Variants in FBN3 observed in about 807,000 individuals in gnomAD.
FBN3 encodes the protein fibrillin-3.
FBN3 carries 234 observed loss-of-function variants against 330.1 expected under a neutral mutation model. The observed-to-expected ratio is 0.71, with a 90% CI of 0.64 to 0.79. The LOEUF is 0.79. Ranked by LOEUF, FBN3 falls within the 30% of genes least tolerant of loss-of-function variation. FBN3 has a pLI of 0.00. For synonymous variants in FBN3, 1,458 were observed against 1,517.3 expected, an observed-to-expected ratio of 0.96 and a Z score of 0.91; for missense variants, 3,606 against 3,886.9, an observed-to-expected ratio of 0.93 and a Z score of 1.92.
At position 8,085,377 on chromosome 19, in the gene FBN3, G is replaced by T; in HGVS notation, c.7073C>A (p.Thr2358Asn). 1 of 1,579,344 alleles carries T rather than the reference G, an allele frequency of 6.3e-7. No individual in the cohort carries two copies. Among genetic ancestry groups the T allele is most frequent in the East Asian group, 2.3e-5 (1 of 43,488 alleles). Reference protein sequence around the residue: ...RKLCPHGSGYTAEGRDVDECR... With the variant: ...RKLCPHGSGYNAEGRDVDECR... ...TGGGCACCCACCTCGGCCCTCAGCA[G>T]TGTAGCCTGAGCCATGGGGGCACAG... is the stretch of plus-strand genomic sequence containing the variant. Residue 2358 changes from threonine (T) to asparagine (N), a missense_variant, in exon 56 of 64, where the codon ACT (threonine) becomes AAT (asparagine). Physicochemically the swap from Thr to Asn is moderately conservative, Grantham distance 65. Coordinates refer to ENST00000600128, the MANE Select transcript of FBN3 (RefSeq NM_032447.5).
At chr19:8,100,483 A>G (rs2082304215) in intron 41 of FBN3, among the ~76,000 whole-genome samples, 1 of 151,908 alleles carries the variant, frequency 6.6e-6, no homozygotes, top group Non-Finnish European at 1.5e-5. Flanking sequence ...GATTACAGGC[A>G]TGCACCACCA....
At position 8,103,600 on chromosome 19, in the gene FBN3, G is replaced by T; in HGVS notation, c.4901C>A (p.Ala1634Glu). The T allele has an allele frequency of 6.2e-7, 1 of 1,613,716 alleles. No homozygotes were observed. Among genetic ancestry groups the T allele is most frequent in the Non-Finnish European group, 8.5e-7 (1 of 1,179,744 alleles). ...GCCACCATTGACTTGGAGGTACTCT[G>T]CAGGGCAGACACAGGTGTAGTTCCC... ...TLGNYTCVCP[A>E]EYLQVNGGNN... Residue 1634 changes from alanine to glutamate, a missense_variant, in exon 39 of 64, where the codon GCA (alanine) becomes GAA (glutamate). Ala to Glu is a moderately radical substitution (Grantham distance 107, BLOSUM62 -1). Coordinates refer to ENST00000600128, the MANE Select transcript of FBN3 (RefSeq NM_032447.5).
chr19:8,131,850 C>T lies in FBN3; in HGVS notation c.1715-21G>A, dbSNP rs202201754. Reference sequence around the variant, plus strand: ...AATGTCTGCAGAAGCAGTGGCGGCACGGGGATGGGTTCCAGCGTGCTCCCT... The same window carrying T: ...AATGTCTGCAGAAGCAGTGGCGGCATGGGGATGGGTTCCAGCGTGCTCCCT... On this transcript the variant is annotated intron_variant, in intron 14 of 63. Transcript: ENST00000600128. The surrounding 1 kb of genome is among the most constrained non-coding windows in gnomAD (Gnocchi z 4.5). The T allele has an allele frequency of 2.9e-5, 46 of 1,559,556 alleles. No homozygotes were observed. Among genetic ancestry groups the T allele is most frequent in the Middle Eastern group, 1.7e-4 (1 of 5,720 alleles).
At position 8,109,780 on chromosome 19, in the gene FBN3, C is replaced by T; in HGVS notation, c.4334-27G>A. ...TGTAGGGAGGAAGCGCGGTCCTCAG[C>T]AGGGAGCCCCTTCCTCGGCCCCCCT... On this transcript the variant is annotated intron_variant, in intron 34 of 63. Coordinates refer to ENST00000600128, the MANE Select transcript of FBN3 (RefSeq NM_032447.5). The surrounding 1 kb of genome is among the most constrained non-coding windows in gnomAD (Gnocchi z 5.2). 1 of 1,436,780 alleles carries T rather than the reference C, an allele frequency of 7.0e-7. No homozygotes were observed. Among genetic ancestry groups the T allele is most frequent in the Non-Finnish European group, 9.2e-7 (1 of 1,091,964 alleles). The allele number at this position is 1,436,780 out of a possible 1,614,324, so 89.0% of individuals were successfully genotyped here. A position where few individuals can be genotyped will look rare whatever the true frequency, so the allele number is the denominator to read the frequency against.
At chr19:8,089,412 T>G in intron 51 of FBN3, 133 bp downstream of exon 51, 1 of 944,466 alleles carries the variant, frequency 1.1e-6, no homozygotes, top group Non-Finnish European at 1.6e-6. Context: ...GGAGAAAAAG[T>G]GAATGGGGGA....
intron 63 of FBN3, among the ~76,000 whole-genome samples, chr19:8,069,025 G>A (rs1331522073): frequency 6.6e-6 from 1 of 152,178 alleles, no homozygotes; most frequent in Non-Finnish European, 1.5e-5. Context: ...AGGTCACTCA[G>A]AAATGTCTTG....
intron 21 of FBN3, 52 bp downstream of exon 21, chr19:8,126,244 GT>G: frequency 1.3e-6 from 2 of 1,552,790 alleles, no homozygotes; most frequent in Non-Finnish European, 1.8e-6. Context: ...GGTGCGCCTG[GT>G]TGTGTGCGGG....
chr19:8,147,055 A>G (rs2083562447), intron 3 of FBN3, 49 bp downstream of exon 3: 4 of 1,489,350 alleles, frequency 2.7e-6, no homozygotes, highest in South Asian at 2.4e-5. Flanking sequence ...GGCAGGTAAG[A>G]GTGTCCCCGG....
rs751537600 is a variant in FBN3 at position 8,111,958 on chromosome 19, C to T, written c.3961+19G>A. The T allele has an allele frequency of 6.6e-7, 1 of 1,507,340 alleles. No individual in the cohort carries two copies. The highest frequency in any genetic ancestry group is 1.8e-5 in the Admixed American group (1 of 55,570). 93.4% of individuals were successfully genotyped at this position (1,507,340 alleles called of 1,614,324 possible). On this transcript the variant is annotated intron_variant, in intron 31 of 63. Coordinates refer to ENST00000600128, the MANE Select transcript of FBN3 (RefSeq NM_032447.5). ...TACCTCTACTGCTTTGCCCCCACTCCCTGCCCCCAGGTACTCACCGTGACA... is the reference window on the plus strand; with the variant it reads ...TACCTCTACTGCTTTGCCCCCACTCTCTGCCCCCAGGTACTCACCGTGACA...
Position 8,147,120 on chromosome 19 carries a change from C to T in FBN3, c.234G>A (p.Arg78=), listed in dbSNP as rs760435363. ...CCPGWRTFPG[R]SQCVVPICRR... is the part of the protein sequence containing the mutation. ...AGCACTCACGTACGACACACTGGCT[C>T]CTGCCAGGGAATGTCCTCCAGCCTG... Residue 78 remains arginine, a synonymous_variant, in exon 3 of 64, where the codon AGG becomes AGA. Coordinates refer to ENST00000600128, the MANE Select transcript of FBN3 (RefSeq NM_032447.5). 4 of 1,566,124 alleles carry T rather than the reference C, an allele frequency of 2.6e-6. No individual in the cohort carries two copies. The highest frequency in any genetic ancestry group is 3.5e-6 in the Non-Finnish European group (4 of 1,157,820).
chr19:8,116,204 G>A (rs1252203889), intron 29 of FBN3, among the ~76,000 whole-genome samples: 1 of 152,162 alleles, frequency 6.6e-6, no homozygotes, highest in East Asian at 1.9e-4. Context: ...AGGGTATGCA[G>A]TACACATCTG....
In FBN3 at chr19:8,141,963, T is replaced by C. The variant is rs35525553; in HGVS notation, c.716A>G (p.Asn239Ser). 4.6e-3 allele frequency: 7,492 copies of C among 1,614,174 alleles called. 64 individuals are homozygous for C. Among genetic ancestry groups the C allele is most frequent in the African/African-American group, 0.035 (2,610 of 75,050 alleles). ...ACCTTGGCAGGCCCCCGTGTGGATA[T>C]TGGGGATGAAGCCGCGGCGGCAGGG... is the stretch of plus-strand genomic sequence containing the variant. ...PHPCRRGFIP[N>S]IHTGACQDVD... The change falls in exon 7 of 64, where the codon AAT (asparagine) becomes AGT (serine). Residue 239 changes from asparagine to serine, a missense_variant. Physicochemically the swap from Asn to Ser is conservative, Grantham distance 46. Coordinates refer to ENST00000600128, the MANE Select transcript of FBN3 (RefSeq NM_032447.5).
At chr19:8,078,245 T>C (rs1388251249) in intron 59 of FBN3, among the ~76,000 whole-genome samples, 1 of 152,192 alleles carries the variant, frequency 6.6e-6, no homozygotes, top group Admixed American at 6.6e-5. Context: ...TCCAAGCCAC[T>C]GTCTGTTGTA....
chr19:8,135,817 G>A, intron 13 of FBN3, 144 bp downstream of exon 13: 2 of 817,966 alleles, frequency 2.4e-6, no homozygotes, highest in Non-Finnish European at 3.9e-6. Flanking sequence ...AGAGTCTCAG[G>A]TGGGCTGCTG....
chr19:8,119,904 T>A (rs1406241050), intron 25 of FBN3, among the ~76,000 whole-genome samples: 2 of 127,668 alleles, frequency 1.6e-5, no homozygotes, highest in African/African-American at 5.9e-5. Flanking sequence ...CCCTGCAGCC[T>A]CCACCTCCTG....
chr19:8,102,909 G>T (rs1343938447), intron 39 of FBN3, 36 bp from the exon 40 acceptor site: 1 of 1,609,006 alleles, frequency 6.2e-7, no homozygotes, highest in Non-Finnish European at 8.5e-7. Flanking sequence ...TGTGGGTAAG[G>T]GTCACCTAAA....
chr19:8,090,169 GCGGGTCT>G lies in FBN3; in HGVS notation c.6107_6113del (p.Lys2036ThrfsTer48), dbSNP rs774900016. 2 of 1,614,000 alleles carry G rather than the reference GCGGGTCT, an allele frequency of 1.2e-6. No homozygotes were observed. Among genetic ancestry groups the G allele is most frequent in the African/African-American group, 2.7e-5 (2 of 74,898 alleles). Reference sequence around the variant, plus strand: ...CCCCAGGCCTCTTACTGCAGCAGCAGCGGGTCTTGGTGGTGTTGAAAGCTTTGGGCAC... The same window carrying G: ...CCCCAGGCCTCTTACTGCAGCAGCAGTGGTGGTGTTGAAAGCTTTGGGCAC... On this transcript the variant is annotated frameshift_variant, in exon 49 of 64. Coordinates refer to ENST00000600128, the MANE Select transcript of FBN3 (RefSeq NM_032447.5). LOFTEE classifies it high-confidence loss of function.
chr19:8,122,516 G>C (rs542160563), intron 24 of FBN3, among the ~76,000 whole-genome samples: 1 of 151,812 alleles, frequency 6.6e-6, no homozygotes, highest in Admixed American at 6.6e-5. Flanking sequence ...ACAGGCGCCC[G>C]CCACCAGGCC....
Position 8,089,918 on chromosome 19 carries a change from G to C in FBN3, c.6226C>G (p.Pro2076Ala), listed in dbSNP as rs762559592. Reference sequence around the variant, plus strand: ...CCTTCTCGGGAGTCATCCGGGCCTGGGACTGCCCCGTGGCCAAAGGGGCAG... The same window carrying C: ...CCTTCTCGGGAGTCATCCGGGCCTGCGACTGCCCCGTGGCCAAAGGGGCAG... Reference protein sequence around the residue: ...ELCPFGHGAVPGPDDSREDVN... With the variant: ...ELCPFGHGAVAGPDDSREDVN... The change falls in exon 50 of 64, where the codon CCA becomes GCA. Residue 2076 changes from proline (P) to alanine (A), a missense_variant. Physicochemically the swap from Pro to Ala is conservative, Grantham distance 27. Transcript: ENST00000600128. The C allele has an allele frequency of 6.2e-7, 1 of 1,605,386 alleles. No individual in the cohort carries two copies. Among genetic ancestry groups the C allele is most frequent in the East Asian group, 2.2e-5 (1 of 44,698 alleles).
Sources: gnomAD v4.1 joint callset for allele counts (sites outside exome capture counted in the v4.1 genomes callset) on GRCh38, gnomAD v4.1.1 for gene constraint, Gnocchi (gnomAD v3.1) non-coding constraint, MANE v1.5 for transcripts, NCBI Gene and HGNC (gene_info 2026-07-23, HGNC 2026-07-21) for gene names.